The following LMF2 variants were observed in gnomAD, a reference collection of about 807,000 sequenced individuals.
LMF2 encodes the protein transmembrane protein 112B.
LMF2 carries 113 observed loss-of-function variants against 81.5 expected under a neutral mutation model. The ratio of observed to expected loss-of-function variants is 1.39; its 90% CI spans 1.19 to 1.62. LMF2 has a LOEUF of 1.62. Ranked by LOEUF, LMF2 falls within the 40% of genes most tolerant of loss-of-function variation. LMF2 has a pLI of 0.00. For synonymous variants in LMF2, 645 were observed against 424.5 expected, an observed-to-expected ratio of 1.52 and a Z score of -6.39; for missense variants, 1,235 against 929.1, an observed-to-expected ratio of 1.33 and a Z score of -4.28.
At position 50,507,660 on chromosome 22, in the gene LMF2, G is replaced by A; in HGVS notation, c.16C>T (p.Leu6Phe). Reference sequence around the variant, plus strand: ...CCCTGGAGGAAGAGCTGCCGCGGGAGCCGGGAGCCCGCCATGTCCGCTACG... The same window carrying A: ...CCCTGGAGGAAGAGCTGCCGCGGGAACCGGGAGCCCGCCATGTCCGCTACG... The part of the protein sequence containing the change: MAGSR[L>F]PRQLFLQGVA... Residue 6 changes from leucine to phenylalanine, a missense_variant, in exon 1 of 14, where the codon CTC becomes TTC. Physicochemically the swap from Leu to Phe is conservative, Grantham distance 22 (BLOSUM62 0). Coordinates refer to ENST00000474879, the MANE Select transcript of LMF2 (RefSeq NM_033200.3). The A allele has an allele frequency of 1.3e-6, 2 of 1,550,262 alleles. No individual in the cohort carries two copies. The highest frequency in any genetic ancestry group is 2.4e-5 in the East Asian group (1 of 40,940).
In LMF2 at chr22:50,506,059, C is replaced by T. The variant is rs766139962; in HGVS notation, c.750G>A (p.Leu250=). 9 of 1,591,000 alleles carry T rather than the reference C, an allele frequency of 5.7e-6. No homozygotes were observed. The highest frequency in any genetic ancestry group is 6.8e-6 in the Non-Finnish European group (8 of 1,169,120). The change falls in exon 5 of 14, where the codon CTG becomes CTA. Residue 250 remains leucine, a synonymous_variant. Transcript: ENST00000474879. Reference sequence around the variant, plus strand: ...CCTGCGAGTAGAAAGCAGCCAAGCGCAGGCGTCGAATGGGGGCGAAGAACA... The same window carrying T: ...CCTGCGAGTAGAAAGCAGCCAAGCGTAGGCGTCGAATGGGGGCGAAGAACA... ...PPLFFAPIRR[L]RLAAFYSQVL...
rs2068550445 is a variant in LMF2, at chr22:50,505,901, C to G, written c.775-86G>C. 2.5e-6 allele frequency: 4 copies of G among 1,585,768 alleles called. No homozygotes were observed. In the South Asian group the frequency reaches 4.6e-5, roughly 18 times the overall value. ...CACCTCCACCCTGCAGGGTGCATCC[C>G]TCTGCTACAAGGCCTTCCCAACAGC... On this transcript the variant is annotated intron_variant, in intron 5 of 13. Transcript: ENST00000474879.
At chr22:50,503,731 G>C (rs770605281) in intron 13 of LMF2, 32 bp from the exon 14 acceptor site, 2 of 1,584,230 alleles carry the variant, frequency 1.3e-6, no homozygotes, top group South Asian at 2.2e-5. Context: ...GGAGGTTGGG[G>C]AAGTGCTTAC....
At position 50,506,395 on chromosome 22, in the gene LMF2, G is replaced by C; in HGVS notation, c.485C>G (p.Pro162Arg). 1 of 1,550,066 alleles carries C rather than the reference G, an allele frequency of 6.5e-7. No individual in the cohort carries two copies. Among genetic ancestry groups the C allele is most frequent in the Non-Finnish European group, 8.7e-7 (1 of 1,147,430 alleles). Reference sequence around the variant, plus strand: ...CAGCCAGAAGGGGAGGTCTTCGTGGGGCAGGGCCCCTGCCTGCCTGCCCTG... The same window carrying C: ...CAGCCAGAAGGGGAGGTCTTCGTGGCGCAGGGCCCCTGCCTGCCTGCCCTG... Reference protein sequence around the residue: ...APQGRQAGALPHEDLPFWLVR... With the variant: ...APQGRQAGALRHEDLPFWLVR... The change falls in exon 4 of 14, where the codon CCC becomes CGC. Residue 162 changes from proline (P) to arginine (R), a missense_variant. Coordinates refer to ENST00000474879, the MANE Select transcript of LMF2 (RefSeq NM_033200.3).
At position 50,502,965 on chromosome 22, in the gene LMF2, G is replaced by C. The variant is rs571786056; in HGVS notation, c.*426C>G. The C allele has an allele frequency of 5.8e-6, 1 of 171,030 alleles. No homozygotes were observed. Among genetic ancestry groups the C allele is most frequent in the African/African-American group, 2.4e-5 (1 of 41,770 alleles). The allele number at this position is 171,030 out of a possible 1,614,324, so 10.6% of individuals were successfully genotyped here. On this transcript the variant is annotated 3_prime_UTR_variant, in exon 14 of 14. Transcript: ENST00000474879. ...AGGCACACAGCCAAGCACAAAAGAC[G>C]CCTTTATTGGTGCCCAGATCTAAAG...
Position 50,503,364 on chromosome 22 carries a change from T to C in LMF2, c.*27A>G. The C allele has an allele frequency of 6.2e-7, 1 of 1,609,638 alleles. No individual in the cohort carries two copies. Among genetic ancestry groups the C allele is most frequent in the Non-Finnish European group, 8.5e-7 (1 of 1,178,772 alleles). On this transcript the variant is annotated 3_prime_UTR_variant, in exon 14 of 14. Transcript: ENST00000474879. Reference sequence around the variant, plus strand: ...GAGCACTCCCGGCGACCTGGCCCTCTCAGGACGTGCAGCTGGGAGAACACA... The same window carrying C: ...GAGCACTCCCGGCGACCTGGCCCTCCCAGGACGTGCAGCTGGGAGAACACA...
intron 6 of LMF2, 27 bp downstream of exon 6, chr22:50,505,647 G>T (rs764868690): frequency 6.2e-7 from 1 of 1,611,858 alleles, no homozygotes; most frequent in Non-Finnish European, 8.5e-7. Context: ...CCCTGGGAGG[G>T]CAGGGGGCTG....
Position 50,503,223 on chromosome 22 carries a change from G to A in LMF2, c.*168C>T, listed in dbSNP as rs1603438907. The A allele has an allele frequency of 1.6e-6, 1 of 633,460 alleles. No individual in the cohort carries two copies. Among genetic ancestry groups the A allele is most frequent in the Non-Finnish European group, 2.6e-6 (1 of 383,526 alleles). The allele number at this position is 633,460 out of a possible 1,614,324, so 39.2% of individuals were successfully genotyped here. A position where few individuals can be genotyped will look rare whatever the true frequency, so the allele number is the denominator to read the frequency against. ...AGGGGCATGGCTGGCGTGGGGGTGG[G>A]GCCTGGAGCCCTCAATGCAGCACCC... On this transcript the variant is annotated 3_prime_UTR_variant, in exon 14 of 14. Coordinates refer to ENST00000474879, the MANE Select transcript of LMF2 (RefSeq NM_033200.3).
rs765415460 is a variant in LMF2, at chr22:50,506,654, A to T, written c.361T>A (p.Phe121Ile). ...YLSACQVGQV[F>I]LYFQWDSLLL... ...GTCACTCACCACTGGAAATAAAGGAACACCTGGCCCACCTGCGGAGAGAGG... is the reference window on the plus strand; with the variant it reads ...GTCACTCACCACTGGAAATAAAGGATCACCTGGCCCACCTGCGGAGAGAGG... Residue 121 changes from phenylalanine to isoleucine, a missense_variant, in exon 3 of 14, where the codon TTC becomes ATC. Phe to Ile is a conservative substitution (Grantham distance 21). Coordinates refer to ENST00000474879, the MANE Select transcript of LMF2 (RefSeq NM_033200.3). 6.2e-7 allele frequency: 1 copy of T among 1,613,326 alleles called. No individual in the cohort carries two copies. The highest frequency in any genetic ancestry group is 1.1e-5 in the South Asian group (1 of 91,048).
chr22:50,506,214 C>G lies in LMF2; in HGVS notation c.596-1G>C. On this transcript the variant is annotated splice_acceptor_variant, in intron 4 of 13. Coordinates refer to ENST00000474879, the MANE Select transcript of LMF2 (RefSeq NM_033200.3). LOFTEE classifies it high-confidence loss of function. ...TGGGTCTCGTAGTGGTAGGTGAGGG[C>G]TGCAGGCGAGGGCAGGAGTCAGGGC... The G allele has an allele frequency of 6.4e-7, 1 of 1,553,974 alleles. No individual in the cohort carries two copies. The highest frequency in any genetic ancestry group is 8.7e-7 in the Non-Finnish European group (1 of 1,148,878).
rs1039638615 is a variant in LMF2, at chr22:50,507,665, G to T, written c.11C>A (p.Ser4Tyr). Residue 4 changes from serine (S) to tyrosine (Y), a missense_variant, in exon 1 of 14, where the codon TCC becomes TAC. Transcript: ENST00000474879. MAG[S>Y]RLPRQLFLQG... is the part of the protein sequence containing the mutation. ...GAGGAAGAGCTGCCGCGGGAGCCGGGAGCCCGCCATGTCCGCTACGCGGCC... is the reference window on the plus strand; with the variant it reads ...GAGGAAGAGCTGCCGCGGGAGCCGGTAGCCCGCCATGTCCGCTACGCGGCC... 1 of 1,550,136 alleles carries T rather than the reference G, an allele frequency of 6.5e-7. No homozygotes were observed. Among genetic ancestry groups the T allele is most frequent in the Admixed American group, 2.0e-5 (1 of 50,992 alleles).
At position 50,506,765 on chromosome 22, in the gene LMF2, T is replaced by A; in HGVS notation, c.348+17A>T. ...GGGGGTTGGAGATAGAGTGAGCTGG[T>A]CACAGGTCCCACTTGCCTGGCAGGC... On this transcript the variant is annotated intron_variant, in intron 2 of 13. Transcript: ENST00000474879. The A allele has an allele frequency of 6.2e-7, 1 of 1,612,632 alleles. No individual in the cohort carries two copies. Among genetic ancestry groups the A allele is most frequent in the Middle Eastern group, 1.7e-4 (1 of 6,054 alleles).
In LMF2 at chr22:50,505,504, A is replaced by G. The variant is rs370167838; in HGVS notation, c.950T>C (p.Leu317Pro). The G allele has an allele frequency of 8.7e-6, 14 of 1,612,652 alleles. No homozygotes were observed. The highest frequency in any genetic ancestry group is 1.2e-5 in the Non-Finnish European group (14 of 1,180,024). ...WPKALLATLS[L>P]LLELAVYGLL... ...CCCGTAGACGGCTAGTTCCAGCAGC[A>G]GCGACAGGGTGGCCAGCAGGGCCTT... is the stretch of plus-strand genomic sequence containing the variant. The change falls in exon 7 of 14, where the codon CTG (leucine) becomes CCG (proline). Residue 317 changes from leucine to proline, a missense_variant. Coordinates refer to ENST00000474879, the MANE Select transcript of LMF2 (RefSeq NM_033200.3).
intron 12 of LMF2, 73 bp from the exon 13 acceptor site, chr22:50,503,977 A>G: frequency 7.4e-7 from 1 of 1,352,852 alleles, no homozygotes; most frequent in Non-Finnish European, 1.0e-6. Context: ...GCCCAGCCTT[A>G]CCCCTGCTCC....
Position 50,503,035 on chromosome 22 carries a change from T to G in LMF2, c.*356A>C, listed in dbSNP as rs1382015492. Reference sequence around the variant, plus strand: ...AAGATGACGTGGAAGATGACAGTGCTTCCCCTCTTCCCCTGGGAGTCAGCC... The same window carrying G: ...AAGATGACGTGGAAGATGACAGTGCGTCCCCTCTTCCCCTGGGAGTCAGCC... On this transcript the variant is annotated 3_prime_UTR_variant, in exon 14 of 14. Coordinates refer to ENST00000474879, the MANE Select transcript of LMF2 (RefSeq NM_033200.3). 1 of 269,042 alleles carries G rather than the reference T, an allele frequency of 3.7e-6. No individual in the cohort carries two copies. The highest frequency in any genetic ancestry group is 7.0e-6 in the Non-Finnish European group (1 of 142,354). The allele number at this position is 269,042 out of a possible 1,614,324, so 16.7% of individuals were successfully genotyped here.
In LMF2 at chr22:50,506,900, C is replaced by T; in HGVS notation, c.230G>A (p.Gly77Asp). 1 of 1,583,662 alleles carries T rather than the reference C, an allele frequency of 6.3e-7. No individual in the cohort carries two copies. Among genetic ancestry groups the T allele is most frequent in the Non-Finnish European group, 8.6e-7 (1 of 1,166,336 alleles). Reference protein sequence around the residue: ...APRLGLDTAQGLELLSLLGAL... With the variant: ...APRLGLDTAQDLELLSLLGAL... ...ACCCAGCAGGCTCAGCAGCTCCAGGCCCTGGGCCGTGTCCAGCCCCAGTCT... is the reference window on the plus strand; with the variant it reads ...ACCCAGCAGGCTCAGCAGCTCCAGGTCCTGGGCCGTGTCCAGCCCCAGTCT... The change falls in exon 2 of 14, where the codon GGC (glycine) becomes GAC (aspartate). Residue 77 changes from glycine to aspartate, a missense_variant. Physicochemically the swap from Gly to Asp is moderately conservative, Grantham distance 94 (BLOSUM62 -1). Transcript: ENST00000474879.
In LMF2 at chr22:50,503,696, T is replaced by A; in HGVS notation, c.1819A>T (p.Lys607Ter). ...TLLRQFGLQE[K>*]SPPRTRSANS... The stretch of plus-strand genomic sequence containing the variant: ...GCGCTGCGGGTGCGAGGTGGGCTTT[T>A]CTCCTGTGGGAGGGAGGGAGGGAGG... Residue 607 changes from lysine to a stop codon, truncating the protein, a stop_gained, in exon 14 of 14, where the codon AAA becomes TAA. Transcript: ENST00000474879. LOFTEE classifies it low-confidence loss of function (END_TRUNC). 1 of 867,318 alleles carries A rather than the reference T, an allele frequency of 1.2e-6. No homozygotes were observed. The highest frequency in any genetic ancestry group is 2.0e-5 in the Admixed American group (1 of 50,764). The allele number at this position is 867,318 out of a possible 1,614,324, so 53.7% of individuals were successfully genotyped here.
At position 50,503,159 on chromosome 22, in the gene LMF2, C is replaced by T. The variant is rs543336339; in HGVS notation, c.*232G>A. 1 of 529,344 alleles carries T rather than the reference C, an allele frequency of 1.9e-6. No individual in the cohort carries two copies. Among genetic ancestry groups the T allele is most frequent in the East Asian group, 3.5e-5 (1 of 28,514 alleles). The allele number at this position is 529,344 out of a possible 1,614,324, so 32.8% of individuals were successfully genotyped here. On this transcript the variant is annotated 3_prime_UTR_variant, in exon 14 of 14. Transcript: ENST00000474879. ...GTCTTGAGCTTGGTCGTGTTTTCCTCCTGGGCCAATCACAGAGGCAATAGT... is the reference window on the plus strand; with the variant it reads ...GTCTTGAGCTTGGTCGTGTTTTCCTTCTGGGCCAATCACAGAGGCAATAGT...
rs372747521 is a variant in LMF2 at position 50,505,439 on chromosome 22, C to T, written c.1015G>A (p.Val339Ile). The T allele has an allele frequency of 2.2e-5, 36 of 1,613,096 alleles. No individual in the cohort carries two copies. The highest frequency in any genetic ancestry group is 4.0e-5 in the African/African-American group (3 of 75,076). ...YGTVHYFGLEVDWQQRTIHSR... is the reference protein window; with the variant it reads ...YGTVHYFGLEIDWQQRTIHSR... Reference sequence around the variant, plus strand: ...TGGATGGTGCGCTGCTGCCAGTCAACCTCCAGGCCAAAGTAGTGCACAGTG... The same window carrying T: ...TGGATGGTGCGCTGCTGCCAGTCAATCTCCAGGCCAAAGTAGTGCACAGTG... Residue 339 changes from valine to isoleucine, a missense_variant, in exon 7 of 14, where the codon GTT becomes ATT. By Grantham distance (29) the Val-to-Ile change is conservative. Transcript: ENST00000474879.
Sources: allele counts gnomAD v4.1 joint callset, GRCh38; gene constraint gnomAD v4.1.1; transcripts MANE v1.5; gene names NCBI Gene and HGNC (gene_info 2026-07-23, HGNC 2026-07-21).